NR1D2: variants seen among roughly 807,000 people sequenced by gnomAD.
The protein encoded by NR1D2 is V-erbA-related protein 1-related.
NR1D2 carries 25 observed loss-of-function variants against 52.2 expected under a neutral mutation model. That is an observed-to-expected ratio of 0.48 (90% CI 0.35 to 0.67). The LOEUF (loss-of-function observed/expected upper bound fraction) is 0.67. Among genes scored for constraint, NR1D2 ranks in the 30% least tolerant of loss-of-function variants. The pLI, the probability that NR1D2 is intolerant of heterozygous loss-of-function variation, is 0.01. For missense variants in NR1D2, 681 were observed against 707.2 expected (o/e 0.96, Z 0.42); for synonymous variants, 259 against 230.1 (o/e 1.13, Z -1.14).
intron 1 of NR1D2, among the ~76,000 whole-genome samples, chr3:23,949,622 T>C (rs1419554830): frequency 1.3e-5 from 2 of 152,252 alleles, no homozygotes; most frequent in African/African-American, 4.8e-5. Context: ...CATGCTGTTC[T>C]CTGGAGCCCT....
rs1432891260 is a variant in NR1D2, at chr3:23,964,101, C to T, written c.1147-876C>T. Among the ~76,000 whole-genome samples, 15 of 148,306 alleles carry T rather than the reference C, an allele frequency of 1.0e-4. 1 individual carries two copies. The highest frequency in any genetic ancestry group is 6.9e-3 in the Middle Eastern group (2 of 288). On this transcript the variant is annotated intron_variant, in intron 5 of 7. Transcript: ENST00000312521. Reference sequence around the variant, plus strand: ...TTTTTTCTTTTTTTTTTTTTCGAGACGGAGTCTCACTCTGTCACCCAGGCT... The same window carrying T: ...TTTTTTCTTTTTTTTTTTTTCGAGATGGAGTCTCACTCTGTCACCCAGGCT...
intron 4 of NR1D2, among the ~76,000 whole-genome samples, chr3:23,961,469 C>T (rs537140180): frequency 4.9e-4 from 72 of 146,920 alleles, no homozygotes; most frequent in Non-Finnish European, 8.5e-4. Flanking sequence ...CATCTCGACG[C>T]ACTGCAACCT....
At chr3:23,967,054 T>A (rs1706466598) in intron 6 of NR1D2, among the ~76,000 whole-genome samples, 1 of 151,464 alleles carries the variant, frequency 6.6e-6, no homozygotes, top group Non-Finnish European at 1.5e-5. Flanking sequence ...GGCCGGGCGC[T>A]GTGGCTCATG....
At chr3:23,954,850 G>A in intron 2 of NR1D2, 47 bp downstream of exon 2, 1 of 1,575,186 alleles carries the variant, frequency 6.3e-7, no homozygotes, top group Non-Finnish European at 8.7e-7. Flanking sequence ...AATTGCAAAT[G>A]GGGCTTATTT....
At chr3:23,945,803 C>T (rs1416677613) in intron 1 of NR1D2, among the ~76,000 whole-genome samples, 4 of 150,380 alleles carry the variant, frequency 2.7e-5, no homozygotes, top group Non-Finnish European at 5.9e-5. Flanking sequence ...AGCCGCAGCG[C>T]GGCCTGCCGG....
At chr3:23,966,227 A>G (rs1439777160) in intron 6 of NR1D2, among the ~76,000 whole-genome samples, 1 of 152,248 alleles carries the variant, frequency 6.6e-6, no homozygotes, top group Non-Finnish European at 1.5e-5. Context: ...TATGGATGGA[A>G]GAAGTGAGCC....
intron 7 of NR1D2, among the ~76,000 whole-genome samples, chr3:23,974,088 CTT>C (rs60587118): frequency 6.2e-4 from 49 of 79,500 alleles, no homozygotes; most frequent in Middle Eastern, 0.014. Context: ...TTACAGTTAC[CTT>C]TTTTTTTTTT....
At chr3:23,945,833 C>G (rs1045371185) in intron 1 of NR1D2, among the ~76,000 whole-genome samples, 12 of 150,886 alleles carry the variant, frequency 8.0e-5, no homozygotes, top group East Asian at 7.9e-4. Flanking sequence ...CGGCCCCCCC[C>G]TCACATGGCC....
At chr3:23,969,015 G>T (rs1027706536) in intron 7 of NR1D2, among the ~76,000 whole-genome samples, 2 of 152,078 alleles carry the variant, frequency 1.3e-5, no homozygotes, top group African/African-American at 4.8e-5. Context: ...CAGGCGCCAG[G>T]GGTGCACGCC....
chr3:23,949,568 A>G (rs1194684945), intron 1 of NR1D2, among the ~76,000 whole-genome samples: 1 of 152,222 alleles, frequency 6.6e-6, no homozygotes, highest in Non-Finnish European at 1.5e-5. Context: ...CTAATAACAT[A>G]GGTGTTTCCC....
intron 4 of NR1D2, among the ~76,000 whole-genome samples, chr3:23,961,210 T>C (rs1706232409): frequency 6.6e-6 from 1 of 151,954 alleles, no homozygotes; most frequent in Admixed American, 6.6e-5. Context: ...GGGCCAGGTG[T>C]TCAGGGAATG....
intron 6 of NR1D2, among the ~76,000 whole-genome samples, chr3:23,966,787 T>G (rs996172587): frequency 2.0e-5 from 3 of 152,202 alleles, no homozygotes; most frequent in African/African-American, 7.2e-5. Context: ...CCCAGCACTT[T>G]GGGAGGCCGA....
rs900744685 is a variant in NR1D2, at chr3:23,980,484, A to T, written c.*3065A>T. 6.6e-6 allele frequency: 1 copy of T among 152,120 alleles called. No individual in the cohort carries two copies. Among genetic ancestry groups the T allele is most frequent in the African/African-American group, 2.4e-5 (1 of 41,430 alleles). The allele number at this position is 152,120 out of a possible 1,614,324, so 9.4% of individuals were successfully genotyped here. A position where few individuals can be genotyped will look rare whatever the true frequency, so the allele number is the denominator to read the frequency against. ...GGCTATTGTTTAAAAAAATGATAGA[A>T]ATACATTGTTGATGGGATATGAGTT... On this transcript the variant is annotated 3_prime_UTR_variant, in exon 8 of 8. Transcript: ENST00000312521.
At chr3:23,973,400 A>T (rs1706641410) in intron 7 of NR1D2, among the ~76,000 whole-genome samples, 1 of 152,226 alleles carries the variant, frequency 6.6e-6, no homozygotes, top group Admixed American at 6.5e-5. Flanking sequence ...TGTGCTGAGT[A>T]CTGCAGGCAG....
At chr3:23,968,174 A>G (rs1706500566) in intron 7 of NR1D2, 151 bp downstream of exon 7, 2 of 627,896 alleles carry the variant, frequency 3.2e-6, no homozygotes, top group Non-Finnish European at 5.6e-6. Flanking sequence ...TTTTTGTGTA[A>G]CTAATTTTTT....
At chr3:23,952,151 A>G (rs1705949806) in intron 1 of NR1D2, among the ~76,000 whole-genome samples, 1 of 152,206 alleles carries the variant, frequency 6.6e-6, no homozygotes, top group African/African-American at 2.4e-5. Flanking sequence ...CCCCTAGTCC[A>G]GGGCCCACAC....
At chr3:23,961,832 T>G in intron 4 of NR1D2, 145 bp from the exon 5 acceptor site, 1 of 744,984 alleles carries the variant, frequency 1.3e-6, no homozygotes. Context: ...CCAGCAAGTT[T>G]AGAAAAATGT....
Position 23,978,873 on chromosome 3 carries a change from CTTGA to C in NR1D2, c.*1457_*1460del, listed in dbSNP as rs1453181794. 2.6e-5 allele frequency: 4 copies of C among 151,952 alleles called. No homozygotes were observed. Among genetic ancestry groups the C allele is most frequent in the African/African-American group, 9.7e-5 (4 of 41,380 alleles). 9.4% of individuals were successfully genotyped at this position (151,952 alleles called of 1,614,324 possible). On this transcript the variant is annotated 3_prime_UTR_variant, in exon 8 of 8. Transcript: ENST00000312521. ...TTTTATCCACATTTCTAATAGTGGA[CTTGA>C]TTAAGTAGATAAGATCAGCATCTGT...
At chr3:23,956,636 C>G (rs1047867800) in intron 3 of NR1D2, among the ~76,000 whole-genome samples, 7 of 152,026 alleles carry the variant, frequency 4.6e-5, no homozygotes, top group Non-Finnish European at 8.8e-5. Context: ...GTAAAATAAT[C>G]CTGAATATAA....
Sources: allele counts gnomAD v4.1 joint callset (sites outside exome capture counted in the v4.1 genomes callset), GRCh38; gene constraint gnomAD v4.1.1; transcripts MANE v1.5; gene names NCBI Gene and HGNC (gene_info 2026-07-23, HGNC 2026-07-21).